The following TBX20 variants were observed in gnomAD, a reference collection of about 807,000 sequenced individuals.
TBX20 encodes the protein T-box transcription factor 20.
Under a neutral mutation model 42.9 loss-of-function variants are expected in TBX20, and 8 were observed. The ratio of observed to expected loss-of-function variants is 0.19; its 90% confidence interval spans 0.11 to 0.34. The LOEUF (loss-of-function observed/expected upper bound fraction) is 0.34. Among genes scored for constraint, TBX20 ranks in the 10% least tolerant of loss-of-function variants. The pLI, the probability that TBX20 is intolerant of heterozygous loss-of-function variation, is 1.00. For synonymous variants in TBX20, 198 were observed against 222.8 expected, an observed-to-expected ratio of 0.89 and a Z score of 0.99; for missense variants, 411 against 566.0, an observed-to-expected ratio of 0.73 and a Z score of 2.78.
intron 6 of TBX20, among the ~76,000 whole-genome samples, chr7:35,218,379 G>A (rs1484212446): frequency 6.6e-6 from 1 of 151,944 alleles, no homozygotes; most frequent in African/African-American, 2.4e-5. Context: ...TCTACTATTC[G>A]TGTGGCACTG....
intron 6 of TBX20, among the ~76,000 whole-genome samples, chr7:35,214,960 A>G (rs1478510227): frequency 1.3e-5 from 2 of 152,312 alleles, no homozygotes; most frequent in Non-Finnish European, 2.9e-5. Context: ...CAAATTGCAC[A>G]TAACTGCTAA....
At chr7:35,204,398 C>T in intron 7 of TBX20, 72 bp downstream of exon 7, 2 of 1,011,900 alleles carry the variant, frequency 2.0e-6, no homozygotes, top group South Asian at 2.7e-5. Context: ...GCCATCTCAT[C>T]AACGACCTGC....
Position 35,212,372 on chromosome 7 carries a change from G to A in TBX20, c.891-7790C>T, listed in dbSNP as rs574238241. On this transcript the variant is annotated intron_variant, in intron 6 of 7. Transcript: ENST00000408931. Reference sequence around the variant, plus strand: ...CCTTGTTATTAATTAGAATATCTATGTGAGTTCTGAATTAGTTTCAACTGA... The same window carrying A: ...CCTTGTTATTAATTAGAATATCTATATGAGTTCTGAATTAGTTTCAACTGA... Among the ~76,000 whole-genome samples, 51 of 152,256 alleles carry A rather than the reference G, an allele frequency of 3.3e-4. 1 individual carries two copies. The highest frequency in any genetic ancestry group is 1.2e-3 in the African/African-American group (51 of 41,570).
intron 6 of TBX20, among the ~76,000 whole-genome samples, chr7:35,225,927 T>G (rs888313297): frequency 6.6e-6 from 1 of 152,122 alleles, no homozygotes; most frequent in Non-Finnish European, 1.5e-5. Flanking sequence ...TACAACCATA[T>G]GATACTGGCA....
chr7:35,251,144 T>C (rs950123613), intron 1 of TBX20, among the ~76,000 whole-genome samples: 1 of 152,186 alleles, frequency 6.6e-6, no homozygotes, highest in Admixed American at 6.5e-5. Flanking sequence ...GTCACTTTGA[T>C]GGAATACAGG....
intron 1 of TBX20, among the ~76,000 whole-genome samples, chr7:35,251,802 C>T (rs1790310714): frequency 6.6e-6 from 1 of 152,228 alleles, no homozygotes; most frequent in African/African-American, 2.4e-5. Flanking sequence ...CACATTCTCT[C>T]TTAACAGAAC....
Position 35,253,601 on chromosome 7 carries a change from G to A in TBX20, c.20C>T (p.Pro7Leu). 6.2e-7 allele frequency: 1 copy of A among 1,611,944 alleles called. No individual in the cohort carries two copies. The highest frequency in any genetic ancestry group is 8.5e-7 in the Non-Finnish European group (1 of 1,179,972). ...GGCCCGAGAGGAGAGTTGGGGCTTG[G>A]GGGACGCCGTGAACTCCATGGTCCC... is the stretch of plus-strand genomic sequence containing the variant. MEFTAS[P>L]KPQLSSRANA... The change falls in exon 1 of 8, where the codon CCC becomes CTC. Residue 7 changes from proline to leucine, a missense_variant. By Grantham distance (98) the Pro-to-Leu change is moderately conservative. Around this residue, in one of 5 missense-constraint regions of TBX20, gnomAD observed 114 missense variants for 128.0 expected, o/e 0.89. Transcript: ENST00000408931.
intron 7 of TBX20, among the ~76,000 whole-genome samples, chr7:35,203,332 A>G (rs1429930287): frequency 6.6e-6 from 1 of 151,862 alleles, no homozygotes; most frequent in Non-Finnish European, 1.5e-5. Context: ...TTTCACTACA[A>G]TTTACACTGA....
chr7:35,205,353 T>G (rs3999958), intron 6 of TBX20, among the ~76,000 whole-genome samples: 1 of 144,578 alleles, frequency 6.9e-6, no homozygotes, highest in Non-Finnish European at 1.5e-5. Flanking sequence ...CTTCTGCTTT[T>G]AAAAAAAAAA....
Position 35,253,762 on chromosome 7 carries a change from T to G in TBX20, c.-142A>C. 2.0e-6 allele frequency: 2 copies of G among 1,009,356 alleles called. No homozygotes were observed. The highest frequency in any genetic ancestry group is 1.6e-5 in the African/African-American group (1 of 61,658). 62.5% of individuals were successfully genotyped at this position (1,009,356 alleles called of 1,614,324 possible). A position where few individuals can be genotyped will look rare whatever the true frequency, so the allele number is the denominator to read the frequency against. ...GGCCAGGGACTCCAGAAGTGTCAGC[T>G]CCAACGACTCCAGAGCTGCACACTG... On this transcript the variant is annotated 5_prime_UTR_variant, in exon 1 of 8. Coordinates refer to ENST00000408931, the MANE Select transcript of TBX20 (RefSeq NM_001077653.2).
intron 6 of TBX20, among the ~76,000 whole-genome samples, chr7:35,225,257 A>G (rs980832176): frequency 6.6e-6 from 1 of 152,236 alleles, no homozygotes; most frequent in Admixed American, 6.5e-5. Flanking sequence ...GTGTTTTCCA[A>G]TAAAAATGTA....
At chr7:35,228,175 GA>G (rs1283840835) in intron 6 of TBX20, among the ~76,000 whole-genome samples, 5 of 151,966 alleles carry the variant, frequency 3.3e-5, no homozygotes, top group African/African-American at 1.2e-4. Context: ...GATGTGTAAA[GA>G]TATGTATTTT....
intron 6 of TBX20, among the ~76,000 whole-genome samples, chr7:35,209,844 T>C (rs970365471): frequency 6.6e-6 from 1 of 152,170 alleles, no homozygotes; most frequent in East Asian, 1.9e-4. Flanking sequence ...TTTTTATATG[T>C]TGTATTTTCA....
intron 6 of TBX20, among the ~76,000 whole-genome samples, chr7:35,223,425 C>T (rs1789716522): frequency 6.6e-6 from 1 of 152,064 alleles, no homozygotes; most frequent in Non-Finnish European, 1.5e-5. Flanking sequence ...AGACAGGGCA[C>T]CCAGAGACCA....
intron 6 of TBX20, among the ~76,000 whole-genome samples, chr7:35,220,896 T>C (rs1584345765): frequency 6.6e-6 from 1 of 152,214 alleles, no homozygotes; most frequent in Non-Finnish European, 1.5e-5. Context: ...TAGGGACTAG[T>C]AGCCATGAAA....
intron 6 of TBX20, among the ~76,000 whole-genome samples, chr7:35,221,749 A>C (rs1789687999): frequency 6.6e-6 from 1 of 152,234 alleles, no homozygotes; most frequent in Admixed American, 6.5e-5. Flanking sequence ...CAATAAAGTC[A>C]GAACACAATT....
intron 5 of TBX20, among the ~76,000 whole-genome samples, chr7:35,233,651 T>C (rs1429383391): frequency 6.6e-6 from 1 of 152,208 alleles, no homozygotes; most frequent in Non-Finnish European, 1.5e-5. Context: ...TGAAATAAAT[T>C]ATAAACATCC....
intron 3 of TBX20, among the ~76,000 whole-genome samples, chr7:35,247,445 G>T (rs1452239670): frequency 6.6e-6 from 1 of 151,910 alleles, no homozygotes; most frequent in African/African-American, 2.4e-5. Flanking sequence ...TGAAAGGGCT[G>T]GGAAGACGCC....
chr7:35,237,075 C>T (rs1789980819), intron 5 of TBX20, among the ~76,000 whole-genome samples: 1 of 151,930 alleles, frequency 6.6e-6, no homozygotes, highest in South Asian at 2.1e-4. Context: ...CATGATGCCA[C>T]CAAAAAGGAG....
Sources: allele counts gnomAD v4.1 joint callset (sites outside exome capture counted in the v4.1 genomes callset), GRCh38; gene constraint gnomAD v4.1.1; regional missense constraint gnomAD v4.1.1; transcripts MANE v1.5; gene names NCBI Gene and HGNC (gene_info 2026-07-23, HGNC 2026-07-21).